The following CNBD2 variants were observed in gnomAD, a reference collection of about 807,000 sequenced individuals.
The protein encoded by CNBD2 is cyclic nucleotide binding domain containing 2.
Under a neutral mutation model 63.7 loss-of-function variants are expected in CNBD2, and 64 were observed. That is an observed-to-expected ratio of 1.00 (90% CI 0.82 to 1.24). CNBD2 has a LOEUF of 1.24. Ranked by LOEUF, CNBD2 falls within the 50% of genes most tolerant of loss-of-function variation. CNBD2 has a pLI of 0.00. For synonymous variants in CNBD2, 229 were observed against 255.4 expected (o/e 0.90, Z 0.99); for missense variants, 691 against 713.5 (o/e 0.97, Z 0.36).
chr20:36,009,906 T>C (rs1240067717), intron 9 of CNBD2, among the ~76,000 whole-genome samples: 1 of 152,130 alleles, frequency 6.6e-6, no homozygotes, highest in Non-Finnish European at 1.5e-5. Context: ...ACTCTACGAG[T>C]ACTATTATAA....
downstream of CNBD2, among the ~76,000 whole-genome samples, chr20:35,959,679 A>C (rs2056291258): frequency 1.3e-5 from 2 of 152,208 alleles, no homozygotes; most frequent in African/African-American, 4.8e-5. Flanking sequence ...TTGGGTGCGG[A>C]TACAGCCAAA....
At chr20:35,980,401 G>A (rs2056579616) in intron 3 of CNBD2, 58 bp from the exon 4 acceptor site, 2 of 1,546,024 alleles carry the variant, frequency 1.3e-6, no homozygotes, top group South Asian at 1.1e-5. Context: ...GGTGTTGCCC[G>A]CTGGCCCATG....
chr20:36,023,576 TCTAA>T, intron 10 of CNBD2, 22 bp from the exon 11 acceptor site: 1 of 1,544,096 alleles, frequency 6.5e-7, no homozygotes, highest in South Asian at 1.2e-5. Context: ...GTCTCTGAGG[TCTAA>T]CTTTCTGTGA....
intron 11 of CNBD2, among the ~76,000 whole-genome samples, chr20:36,026,945 C>G (rs1219931617): frequency 6.6e-6 from 1 of 152,218 alleles, no homozygotes; most frequent in Non-Finnish European, 1.5e-5. Flanking sequence ...TCTCTAGCAC[C>G]TGTACAGTGC....
At chr20:35,956,675 C>T (rs558913127), downstream of CNBD2, among the ~76,000 whole-genome samples, 1 of 152,310 alleles carries the variant, frequency 6.6e-6, no homozygotes, top group African/African-American at 2.4e-5. Flanking sequence ...GTTTGCTGCC[C>T]AGAGTGACCA....
chr20:35,996,317 A>G lies in CNBD2; in HGVS notation c.970+1165A>G, dbSNP rs111824951. ...TGAATTACAGAGTTAATGGATAAAC[A>G]TATTTTGGCTGCTGTGTGTGGTTTG... On this transcript the variant is annotated intron_variant, in intron 8 of 11. Transcript: ENST00000373973. 1.7e-3 allele frequency among the ~76,000 whole-genome samples: 254 copies of G among 152,238 alleles called. 1 individual carries two copies. The highest frequency in any genetic ancestry group is 4.6e-3 in the African/African-American group (191 of 41,558).
intron 2 of CNBD2, chr20:35,974,614 A>G (rs1352440500): frequency 1.3e-5 from 2 of 153,084 alleles, no homozygotes; most frequent in African/African-American, 4.8e-5. Context: ...AGATGTGTGA[A>G]TCTGGATGTT....
intron 10 of CNBD2, among the ~76,000 whole-genome samples, chr20:36,022,198 T>C (rs1346456253): frequency 9.3e-6 from 1 of 107,156 alleles, no homozygotes. Context: ...TTTTTTTCTT[T>C]TTTTTTTTTT....
rs190935415 is a variant in CNBD2 at position 36,018,731 on chromosome 20, C to T, written c.1270-4871C>T. ...AAGTCCAACTTCTCCAAGGAACAGG[C>T]AGGCTGAGGCCTCTGAGGTGGTCAA... On this transcript the variant is annotated intron_variant, in intron 10 of 11. Coordinates refer to ENST00000373973, the MANE Select transcript of CNBD2 (RefSeq NM_001365709.1). Among the ~76,000 whole-genome samples, 66 of 152,312 alleles carry T rather than the reference C, an allele frequency of 4.3e-4. No individual in the cohort carries two copies. In the East Asian group the frequency reaches 0.012, roughly 27 times the overall value.
chr20:35,988,735 A>G (rs958420344), intron 7 of CNBD2, among the ~76,000 whole-genome samples: 5 of 152,144 alleles, frequency 3.3e-5, no homozygotes, highest in East Asian at 1.9e-4. Context: ...CCTGCAACAA[A>G]TTGCATTCCA....
At chr20:35,957,362 G>A (rs1008700224), downstream of CNBD2, among the ~76,000 whole-genome samples, 1 of 152,110 alleles carries the variant, frequency 6.6e-6, no homozygotes, top group African/African-American at 2.4e-5. Context: ...ATAGGCAGGC[G>A]GATCACCTGA....
chr20:36,020,232 G>A (rs549844560), intron 10 of CNBD2, among the ~76,000 whole-genome samples: 17 of 152,002 alleles, frequency 1.1e-4, no homozygotes, highest in African/African-American at 3.4e-4. Flanking sequence ...ACAAGCACCC[G>A]CACCACGCCC....
intron 7 of CNBD2, 151 bp from the exon 8 acceptor site, chr20:35,994,887 T>A (rs961226496): frequency 4.0e-5 from 22 of 548,472 alleles, no homozygotes; most frequent in African/African-American, 3.9e-4. Context: ...AGACTCCATC[T>A]CAAAAAAAAG....
chr20:35,971,766 C>A (rs1236011766), intron 1 of CNBD2, among the ~76,000 whole-genome samples: 1 of 152,186 alleles, frequency 6.6e-6, no homozygotes, highest in Non-Finnish European at 1.5e-5. Flanking sequence ...AATCAAGAAG[C>A]ATACCATTGG....
chr20:36,007,294 G>A (rs2056998485), intron 8 of CNBD2, among the ~76,000 whole-genome samples: 3 of 152,040 alleles, frequency 2.0e-5, no homozygotes, highest in South Asian at 4.2e-4. Flanking sequence ...TTTTATTTCT[G>A]AATTATATTT....
intron 2 of CNBD2, chr20:35,972,992 A>G: frequency 1.8e-6 from 1 of 554,536 alleles, no homozygotes. Context: ...ACAGCCTTAC[A>G]TGCCTAGCCA....
intron 11 of CNBD2, among the ~76,000 whole-genome samples, chr20:36,025,803 T>C (rs1276269510): frequency 1.3e-5 from 2 of 152,120 alleles, no homozygotes; most frequent in Non-Finnish European, 2.9e-5. Flanking sequence ...TACTAAAAAG[T>C]GTTCAAGCAT....
At chr20:35,955,190 AAC>A (rs1362026392) in exon 1 of CNBD2, 6 of 162,544 alleles carry the variant, frequency 3.7e-5, no homozygotes, top group African/African-American at 1.4e-4. Flanking sequence ...CAGCTCTTGC[AAC>A]GTAGCTAGTT....
At chr20:36,006,124 G>A (rs2056981788) in intron 8 of CNBD2, among the ~76,000 whole-genome samples, 1 of 150,268 alleles carries the variant, frequency 6.7e-6, no homozygotes, top group East Asian at 2.0e-4. Flanking sequence ...TGCCTCCCAG[G>A]TTCAAGCAAT....
Sources: allele counts gnomAD v4.1 joint callset (sites outside exome capture counted in the v4.1 genomes callset), GRCh38; gene constraint gnomAD v4.1.1; transcripts MANE v1.5; gene names NCBI Gene and HGNC (gene_info 2026-07-23, HGNC 2026-07-21).